Variants in FMO4 observed in about 807,000 individuals in gnomAD.
FMO4 encodes the protein flavin containing dimethylaniline monoxygenase 4.
A neutral mutation model predicts 43.3 loss-of-function variants in FMO4; 38 were observed. That is an observed-to-expected ratio of 0.88 (90% CI 0.68 to 1.15). The LOEUF is 1.15. FMO4 is among the 50% of genes most tolerant of loss of function. The probability of loss-of-function intolerance (pLI) is 0.00; values close to 1 mark genes in which losing one functional copy is unlikely to be tolerated. For synonymous variants in FMO4, 224 were observed against 232.2 expected (o/e 0.96, Z 0.32); for missense variants, 631 against 663.3 (o/e 0.95, Z 0.54).
intron 5 of FMO4, among the ~76,000 whole-genome samples, chr1:171,325,680 C>T (rs185111077): frequency 4.4e-4 from 67 of 152,084 alleles, no homozygotes; most frequent in African/African-American, 1.5e-3. Context: ...ATAAAAACAC[C>T]TCTTATGACA....
Position 171,331,700 on chromosome 1 carries a change from T to A in FMO4, c.545T>A (p.Phe182Tyr), listed in dbSNP as rs763791320. The change falls in exon 6 of 10, where the codon TTT (phenylalanine) becomes TAT (tyrosine). Residue 182 changes from phenylalanine to tyrosine, a missense_variant. Phe to Tyr is a conservative substitution (Grantham distance 22). Coordinates refer to ENST00000367749, the MANE Select transcript of FMO4 (RefSeq NM_002022.3). The part of the protein sequence containing the change: ...HSQEYKIPEG[F>Y]QGKRVLVIGL... Reference sequence around the variant, plus strand: ...CAAGAGTACAAGATCCCAGAAGGCTTTCAGGGCAAACGCGTCTTGGTGATT... The same window carrying A: ...CAAGAGTACAAGATCCCAGAAGGCTATCAGGGCAAACGCGTCTTGGTGATT... The A allele has an allele frequency of 6.2e-7, 1 of 1,613,966 alleles. No homozygotes were observed. The highest frequency in any genetic ancestry group is 1.1e-5 in the South Asian group (1 of 91,066).
In FMO4 at chr1:171,337,354, A is replaced by G. The variant is rs1333493561; in HGVS notation, c.1181-2A>G. 6.2e-7 allele frequency: 1 copy of G among 1,605,866 alleles called. No homozygotes were observed. Among genetic ancestry groups the G allele is most frequent in the Non-Finnish European group, 8.5e-7 (1 of 1,172,566 alleles). ...TAGTGTTGTTTGTGATTTTTCCCACAGGACTCTGTAAGATACCTCCATCCC... is the reference window on the plus strand; with the variant it reads ...TAGTGTTGTTTGTGATTTTTCCCACGGGACTCTGTAAGATACCTCCATCCC... On this transcript the variant is annotated splice_acceptor_variant, in intron 8 of 9. Transcript: ENST00000367749. LOFTEE classifies it high-confidence loss of function.
rs1206138640 is a variant in FMO4 at position 171,341,664 on chromosome 1, T to C, written c.1502T>C (p.Ile501Thr). The C allele has an allele frequency of 1.9e-6, 3 of 1,613,930 alleles. No individual in the cohort carries two copies. Among genetic ancestry groups the C allele is most frequent in the Non-Finnish European group, 2.5e-6 (3 of 1,179,954 alleles). ...DRTLKPLKTRIVPDSSKPASM... is the reference protein window; with the variant it reads ...DRTLKPLKTRTVPDSSKPASM... ...ACATTGAAACCTTTAAAAACTCGAA[T>C]TGTCCCTGATTCCTCCAAGCCTGCC... The change falls in exon 10 of 10, where the codon ATT (isoleucine) becomes ACT (threonine). Residue 501 changes from isoleucine (I) to threonine (T), a missense_variant. Transcript: ENST00000367749.
chr1:171,336,865 G>A (rs953003138), intron 8 of FMO4, among the ~76,000 whole-genome samples: 3 of 152,034 alleles, frequency 2.0e-5, no homozygotes, highest in African/African-American at 7.2e-5. Flanking sequence ...CCCTCCCAAC[G>A]TGCTGGGGTT....
In FMO4 at chr1:171,323,121, C is replaced by G. The variant is rs755813731; in HGVS notation, c.250C>G (p.His84Asp). The G allele has an allele frequency of 1.2e-6, 2 of 1,613,524 alleles. No homozygotes were observed. The highest frequency in any genetic ancestry group is 2.2e-5 in the South Asian group (2 of 91,068). Residue 84 changes from histidine to aspartate, a missense_variant, in exon 4 of 10, where the codon CAT becomes GAT. Coordinates refer to ENST00000367749, the MANE Select transcript of FMO4 (RefSeq NM_002022.3). ...CGAAGATTATCCTAATTTCATGAAC[C>G]ATGAAAAATTTTGGGACTATCTCCA... is the stretch of plus-strand genomic sequence containing the variant. ...FHEDYPNFMN[H>D]EKFWDYLQEF...
At chr1:171,330,743 G>A (rs1277392523) in intron 5 of FMO4, among the ~76,000 whole-genome samples, 1 of 152,162 alleles carries the variant, frequency 6.6e-6, no homozygotes, top group African/African-American at 2.4e-5. Context: ...CAAGATTTGG[G>A]TGGGGACACA....
Position 171,341,995 on chromosome 1 carries a change from A to G in FMO4, c.*156A>G, listed in dbSNP as rs1663398872. On this transcript the variant is annotated 3_prime_UTR_variant, in exon 10 of 10. Transcript: ENST00000367749. ...TTGTATTATCTTCTTCTTTGTTTTC[A>G]GTACCCTCTTTCTTGCCACCCTTTC... The G allele has an allele frequency of 3.3e-6, 2 of 612,048 alleles. No individual in the cohort carries two copies. Among genetic ancestry groups the G allele is most frequent in the Non-Finnish European group, 5.6e-6 (2 of 354,248 alleles). The allele number at this position is 612,048 out of a possible 1,614,324, so 37.9% of individuals were successfully genotyped here.
Position 171,324,208 on chromosome 1 carries a change from C to A in FMO4, c.392C>A (p.Thr131Lys), listed in dbSNP as rs944061460. The change falls in exon 5 of 10, where the codon ACA becomes AAA. Residue 131 changes from threonine to lysine, a missense_variant. Physicochemically the swap from Thr to Lys is moderately conservative, Grantham distance 78. Transcript: ENST00000367749. Reference protein sequence around the residue: ...ETGQWDVVTETEGKQNRAVFD... With the variant: ...ETGQWDVVTEKEGKQNRAVFD... ...GGTCAGTGGGATGTTGTCACAGAGA[C>A]AGAGGGCAAGCAAAATAGAGCTGTC... is the stretch of plus-strand genomic sequence containing the variant. 6 of 1,613,700 alleles carry A rather than the reference C, an allele frequency of 3.7e-6. No individual in the cohort carries two copies. In the African/African-American group the frequency reaches 5.3e-5, roughly 14 times the overall value.
At chr1:171,327,270 C>T (rs1455359478) in intron 5 of FMO4, among the ~76,000 whole-genome samples, 1 of 152,234 alleles carries the variant, frequency 6.6e-6, no homozygotes, top group Non-Finnish European at 1.5e-5. Flanking sequence ...CAAATGCCTT[C>T]ACTGGCTCAG....
At chr1:171,317,185 G>T (rs111412166) in intron 2 of FMO4, among the ~76,000 whole-genome samples, 7,182 of 152,124 alleles carry the variant, frequency 0.047, 539 homozygotes, top group African/African-American at 0.16. Flanking sequence ...TGATTATGCT[G>T]ATTTCCCATT....
chr1:171,337,296 G>T, intron 8 of FMO4, 60 bp from the exon 9 acceptor site: 1 of 1,135,588 alleles, frequency 8.8e-7, no homozygotes. Flanking sequence ...AGTGGGTGGA[G>T]AATTTAAATA....
chr1:171,328,174 G>A (rs1160064864), intron 5 of FMO4, among the ~76,000 whole-genome samples: 1 of 152,026 alleles, frequency 6.6e-6, no homozygotes, highest in Non-Finnish European at 1.5e-5. Flanking sequence ...CTGAGTAGCT[G>A]GGATTACAGG....
intron 5 of FMO4, among the ~76,000 whole-genome samples, chr1:171,324,859 T>C (rs965482551): frequency 8.5e-5 from 13 of 152,094 alleles, no homozygotes; most frequent in African/African-American, 2.9e-4. Flanking sequence ...TAGCGGTTCA[T>C]ACCTGTAATC....
intron 5 of FMO4, among the ~76,000 whole-genome samples, chr1:171,330,036 A>G (rs1218912986): frequency 6.6e-6 from 1 of 152,234 alleles, no homozygotes; most frequent in Non-Finnish European, 1.5e-5. Context: ...GAACACTGAT[A>G]TGCACTATAA....
intron 5 of FMO4, among the ~76,000 whole-genome samples, chr1:171,326,021 T>C (rs140821771): frequency 9.4e-4 from 143 of 151,688 alleles, no homozygotes; most frequent in African/African-American, 3.3e-3. Context: ...CTCATTTTTG[T>C]ATTTTTTGCA....
intron 2 of FMO4, among the ~76,000 whole-genome samples, chr1:171,318,841 C>T (rs1403069239): frequency 6.6e-6 from 1 of 152,148 alleles, no homozygotes; most frequent in African/African-American, 2.4e-5. Flanking sequence ...GGAAGAGTTC[C>T]CTGAGCCCCC....
At chr1:171,331,355 T>C (rs1463270264) in intron 5 of FMO4, among the ~76,000 whole-genome samples, 1 of 152,216 alleles carries the variant, frequency 6.6e-6, no homozygotes, top group African/African-American at 2.4e-5. Flanking sequence ...GTCTCATTAT[T>C]TGTGAGTTTG....
chr1:171,319,515 T>C (rs901692476), intron 2 of FMO4, among the ~76,000 whole-genome samples: 4 of 152,200 alleles, frequency 2.6e-5, no homozygotes, highest in Non-Finnish European at 5.9e-5. Context: ...TGCTCTCTCC[T>C]ACTCAGTATT....
chr1:171,314,912 G>A (rs1487837816), intron 1 of FMO4, among the ~76,000 whole-genome samples: 1 of 152,138 alleles, frequency 6.6e-6, no homozygotes, highest in African/African-American at 2.4e-5. Flanking sequence ...TACATTTGCT[G>A]GTCAGTCAGG....
Sources: allele counts gnomAD v4.1 joint callset (sites outside exome capture counted in the v4.1 genomes callset), GRCh38; gene constraint gnomAD v4.1.1; transcripts MANE v1.5; gene names NCBI Gene and HGNC (gene_info 2026-07-23, HGNC 2026-07-21).